Variants in NAALADL2 observed in about 807,000 individuals in gnomAD.
NAALADL2 encodes inactive N-acetylated-alpha-linked acidic dipeptidase-like protein 2.
NAALADL2 carries 76 observed loss-of-function variants against 87.2 expected under a neutral mutation model. The ratio of observed to expected loss-of-function variants is 0.87; its 90% confidence interval spans 0.72 to 1.05. The LOEUF (loss-of-function observed/expected upper bound fraction) is 1.05. Ranked by LOEUF, NAALADL2 falls within the 50% of genes least tolerant of loss-of-function variation. The pLI, the probability that NAALADL2 is intolerant of heterozygous loss-of-function variation, is 0.00. For missense variants in NAALADL2, 1,089 were observed against 945.8 expected (o/e 1.15, Z -1.99); for synonymous variants, 354 against 331.0 (o/e 1.07, Z -0.75).
At chr3:175,352,607 A>G (rs1763892207) in intron 5 of NAALADL2, among the ~76,000 whole-genome samples, 1 of 152,174 alleles carries the variant, frequency 6.6e-6, no homozygotes, top group African/African-American at 2.4e-5. Context: ...CAAAGTCTCA[A>G]GAGAAGGAAA....
intron 5 of NAALADL2, among the ~76,000 whole-genome samples, chr3:175,397,982 A>G (rs569804878): frequency 1.3e-5 from 2 of 152,256 alleles, no homozygotes; most frequent in African/African-American, 4.8e-5. Context: ...CTTGATTTAC[A>G]AAATTGAAGT....
chr3:175,771,883 G>C (rs968756157), intron 13 of NAALADL2, among the ~76,000 whole-genome samples: 1 of 152,116 alleles, frequency 6.6e-6, no homozygotes, highest in Non-Finnish European at 1.5e-5. Flanking sequence ...CTTATACATA[G>C]CAGCAGCAAG....
At chr3:175,759,669 T>C (rs538595773) in intron 13 of NAALADL2, among the ~76,000 whole-genome samples, 1 of 152,312 alleles carries the variant, frequency 6.6e-6, no homozygotes, top group East Asian at 1.9e-4. Flanking sequence ...AAAGACTTTA[T>C]AGGGAAAGTG....
In NAALADL2 at chr3:175,762,928, C is replaced by CA. The variant is rs535089078; in HGVS notation, c.2189+7516dup. ...TGAAACCCCGTCTCTACTAAAAATACAAAAAATTAGCCAAGCGTGGTGGCG... is the reference window on the plus strand; with the variant it reads ...TGAAACCCCGTCTCTACTAAAAATACAAAAAAATTAGCCAAGCGTGGTGGCG... On this transcript the variant is annotated intron_variant, in intron 13 of 13. Transcript: ENST00000454872. 6.9e-3 allele frequency among the ~76,000 whole-genome samples: 1,049 copies of CA among 151,960 alleles called. 4 individuals are homozygous for CA. Among genetic ancestry groups the CA allele is most frequent in the Middle Eastern group, 0.024 (7 of 294 alleles).
intron 1 of NAALADL2, among the ~76,000 whole-genome samples, chr3:174,975,869 T>C (rs1744292431): frequency 6.6e-6 from 1 of 152,164 alleles, no homozygotes; most frequent in African/African-American, 2.4e-5. Flanking sequence ...TGAATGAGCT[T>C]AGAAGAGGAC....
chr3:174,859,333 C>A, upstream of NAALADL2: 1 of 1,084,578 alleles, frequency 9.2e-7, no homozygotes, highest in Non-Finnish European at 1.4e-6. Context: ...AGTAGAAAGT[C>A]AGAAGGTCAC....
At position 175,805,821 on chromosome 3, in the gene NAALADL2, C is replaced by CATGAG. The variant is rs1754658083; in HGVS notation, c.*2621_*2625dup. 1 of 151,858 alleles carries CATGAG rather than the reference C, an allele frequency of 6.6e-6. No homozygotes were observed. The highest frequency in any genetic ancestry group is 6.6e-5 in the Admixed American group (1 of 15,182). 9.4% of individuals were successfully genotyped at this position (151,858 alleles called of 1,614,324 possible). A position where few individuals can be genotyped will look rare whatever the true frequency, so the allele number is the denominator to read the frequency against. ...GAAATTTATGTTCAGGCAGGGTACA[C>CATGAG]ATGAGATACTGCCCTTTATGGAAAA... On this transcript the variant is annotated 3_prime_UTR_variant, in exon 14 of 14. Transcript: ENST00000454872.
intron 2 of NAALADL2, among the ~76,000 whole-genome samples, chr3:175,142,980 A>C (rs562179836): frequency 6.6e-6 from 1 of 152,070 alleles, no homozygotes; most frequent in East Asian, 1.9e-4. Context: ...ATATATTTAA[A>C]TTGGATAATT....
chr3:175,054,765 T>C (rs189553866), intron 1 of NAALADL2, among the ~76,000 whole-genome samples: 1 of 152,288 alleles, frequency 6.6e-6, no homozygotes, highest in East Asian at 1.9e-4. Context: ...TGCAAATTTT[T>C]TCCTAGTCCC....
chr3:174,904,353 T>C (rs1241100542), intron 1 of NAALADL2, among the ~76,000 whole-genome samples: 1 of 151,888 alleles, frequency 6.6e-6, no homozygotes, highest in Admixed American at 6.6e-5. Context: ...ATACGTTCTG[T>C]ATATCTGCCA....
At chr3:175,138,887 AATATATATATATATATATATAT>A (rs58824117) in intron 2 of NAALADL2, among the ~76,000 whole-genome samples, 9 of 95,484 alleles carry the variant, frequency 9.4e-5, no homozygotes, top group African/African-American at 2.2e-4. Context: ...AGCCTTTTAA[AATATATATATATATATATATAT>A]ATATATATAT....
chr3:175,770,309 C>A (rs1479682748), intron 13 of NAALADL2, among the ~76,000 whole-genome samples: 1 of 152,116 alleles, frequency 6.6e-6, no homozygotes, highest in Non-Finnish European at 1.5e-5. Flanking sequence ...AATAACAGGT[C>A]TTTCCCATGA....
At chr3:175,732,899 G>C (rs571968577) in intron 11 of NAALADL2, among the ~76,000 whole-genome samples, 1 of 149,308 alleles carries the variant, frequency 6.7e-6, no homozygotes, top group South Asian at 2.1e-4. Flanking sequence ...GCTGGGGTCT[G>C]TCGGGGGGTA....
intron 2 of NAALADL2, among the ~76,000 whole-genome samples, chr3:175,109,628 G>C (rs971479697): frequency 1.3e-5 from 2 of 151,838 alleles, no homozygotes; most frequent in Non-Finnish European, 2.9e-5. Context: ...GGGATGCAGT[G>C]GTCAGTTCAA....
At chr3:175,707,101 TTAA>T (rs1433495639) in intron 11 of NAALADL2, among the ~76,000 whole-genome samples, 5 of 152,146 alleles carry the variant, frequency 3.3e-5, no homozygotes, top group Non-Finnish European at 7.4e-5. Flanking sequence ...ATTTTTATTA[TTAA>T]TAATAATAGT....
Position 174,744,090 on chromosome 3 carries a change from G to C in NAALADL2, c.-9+6344G>C, listed in dbSNP as rs189412742. On this transcript the variant is annotated intron_variant, in intron 3 of 3. Coordinates refer to the NAALADL2 transcript ENST00000434257. The stretch of plus-strand genomic sequence containing the variant: ...ATAGATGAGTGTGGTAGGCAGAATA[G>C]TGGCCTCATAATGATGTTCAAGTCC... Among the ~76,000 whole-genome samples, 5 of 152,018 alleles carry C rather than the reference G, an allele frequency of 3.3e-5. No homozygotes were observed. The East Asian group carries it at 7.7e-4, about 24-fold the overall frequency.
At chr3:175,645,356 T>C (rs1403537920) in intron 11 of NAALADL2, among the ~76,000 whole-genome samples, 1 of 152,112 alleles carries the variant, frequency 6.6e-6, no homozygotes, top group Non-Finnish European at 1.5e-5. Context: ...GAGGAATGAC[T>C]ATCTTCCTCA....
chr3:175,613,185 G>A (rs1185834635), intron 10 of NAALADL2, among the ~76,000 whole-genome samples: 3 of 152,158 alleles, frequency 2.0e-5, no homozygotes, highest in African/African-American at 7.2e-5. Flanking sequence ...AAGGAGAGAA[G>A]CTAAAGAGAA....
chr3:175,027,133 C>G (rs966385792), intron 1 of NAALADL2, among the ~76,000 whole-genome samples: 32 of 152,172 alleles, frequency 2.1e-4, no homozygotes, highest in African/African-American at 7.7e-4. Flanking sequence ...ACCCTACACA[C>G]GTATACACCC....
Sources: allele counts gnomAD v4.1 joint callset (sites outside exome capture counted in the v4.1 genomes callset), GRCh38; gene constraint gnomAD v4.1.1; transcripts MANE v1.5; gene names NCBI Gene and HGNC (gene_info 2026-07-23, HGNC 2026-07-21).